Variants in FCRL5 observed in about 807,000 individuals in gnomAD.
The protein encoded by FCRL5 is Fc receptor like 5.
Under a neutral mutation model 92.1 loss-of-function variants are expected in FCRL5, and 79 were observed. That is an observed-to-expected ratio of 0.86 (90% CI 0.72 to 1.03). The LOEUF (loss-of-function observed/expected upper bound fraction) is 1.03, where lower values mean the gene tolerates loss of function less well. Among genes scored for constraint, FCRL5 ranks in the 50% least tolerant of loss-of-function variants. The pLI, the probability that FCRL5 is intolerant of heterozygous loss-of-function variation, is 0.00. For missense variants in FCRL5, 1,160 were observed against 1,181.1 expected (o/e 0.98, Z 0.26); for synonymous variants, 466 against 469.3 (o/e 0.99, Z 0.09).
intron 15 of FCRL5, 45 bp downstream of exon 15, chr1:157,518,380 ACTGT>A (rs780167695): frequency 3.5e-5 from 52 of 1,496,102 alleles, no homozygotes; most frequent in South Asian, 7.9e-5. Flanking sequence ...ACTGAGCTAT[ACTGT>A]CTAAGTTGAG....
chr1:157,538,239 T>TC (rs35679112), intron 7 of FCRL5, among the ~76,000 whole-genome samples: 2 of 152,148 alleles, frequency 1.3e-5, no homozygotes, highest in Non-Finnish European at 2.9e-5. Flanking sequence ...ATCACACACA[T>TC]CCATGTGGGA....
At chr1:157,547,469 T>C in intron 2 of FCRL5, 1 of 607,192 alleles carries the variant, frequency 1.6e-6, no homozygotes, top group Non-Finnish European at 3.0e-6. Flanking sequence ...TAGCCTTACA[T>C]GGAAGTGGGT....
chr1:157,521,532 G>A (rs6696922), intron 10 of FCRL5: 344,385 of 417,782 alleles, frequency 0.82, 142,136 homozygotes, highest in South Asian at 0.9. Flanking sequence ...AATATATACA[G>A]AGATTCTCAT....
chr1:157,549,545 G>T lies in FCRL5; in HGVS notation c.52+15C>A, dbSNP rs750866710. ...TAACCAGAGACGCTGAAGAGCCAAA[G>T]ACAGGAGAACTCACCAAACTGTCCA... On this transcript the variant is annotated intron_variant, in intron 2 of 16. Coordinates refer to ENST00000361835, the MANE Select transcript of FCRL5 (RefSeq NM_031281.3). 1.2e-6 allele frequency: 2 copies of T among 1,611,070 alleles called. No homozygotes were observed. The highest frequency in any genetic ancestry group is 1.7e-6 in the Non-Finnish European group (2 of 1,178,674).
chr1:157,528,871 TA>T (rs1650560154), intron 8 of FCRL5, among the ~76,000 whole-genome samples: 3 of 152,182 alleles, frequency 2.0e-5, no homozygotes, highest in African/African-American at 7.2e-5. Context: ...GAATATACTT[TA>T]AAAAACTCTT....
rs1017986634 is a variant in FCRL5 at position 157,547,156 on chromosome 1, T to C, written c.94A>G (p.Thr32Ala). The change falls in exon 3 of 17, where the codon ACC (threonine) becomes GCC (alanine). Residue 32 changes from threonine (T) to alanine (A), a missense_variant. Coordinates refer to ENST00000361835, the MANE Select transcript of FCRL5 (RefSeq NM_031281.3). ...ACTCTCTCTCCTTGGAAGACTGTGG[T>C]CCATGGAGGCTGGAGGAAAATAATG... ...RPIIFLQPPW[T>A]TVFQGERVTL... is the part of the protein sequence containing the mutation. The C allele has an allele frequency of 1.2e-6, 2 of 1,613,898 alleles. No homozygotes were observed. Among genetic ancestry groups the C allele is most frequent in the African/African-American group, 1.3e-5 (1 of 74,908 alleles).
chr1:157,542,919 A>G lies in FCRL5; in HGVS notation c.1063T>C (p.Cys355Arg). ...LTTENSGNYY[C>R]TADNGLGAKP... ...GCGCCAAGGCCATTGTCAGCTGTGCAGTAGTAGTTCCCTGAATTCTCTGTA... is the reference window on the plus strand; with the variant it reads ...GCGCCAAGGCCATTGTCAGCTGTGCGGTAGTAGTTCCCTGAATTCTCTGTA... The change falls in exon 6 of 17, where the codon TGC (cysteine) becomes CGC (arginine). Residue 355 changes from cysteine to arginine, a missense_variant. Coordinates refer to ENST00000361835, the MANE Select transcript of FCRL5 (RefSeq NM_031281.3). 1 of 1,614,156 alleles carries G rather than the reference A, an allele frequency of 6.2e-7. No individual in the cohort carries two copies. Among genetic ancestry groups the G allele is most frequent in the Non-Finnish European group, 8.5e-7 (1 of 1,180,040 alleles).
rs147892496 is a variant in FCRL5 at position 157,522,318 on chromosome 1, T to C, written c.2240-1026A>G. ...AATAACAAATTACTAAAAACTAAAA[T>C]GTTGTGTTAAAAGTGGCCACAACGG... On this transcript the variant is annotated intron_variant, in intron 10 of 16. Transcript: ENST00000361835. 6.6e-4 allele frequency: 101 copies of C among 152,298 alleles called. 1 individual carries two copies. The East Asian group carries it at 0.015, about 22-fold the overall frequency. The allele number at this position is 152,298 out of a possible 1,614,324, so 9.4% of individuals were successfully genotyped here.
rs1207912975 is a variant in FCRL5, at chr1:157,514,027, C to T, written c.*1648G>A. 1 of 152,230 alleles carries T rather than the reference C, an allele frequency of 6.6e-6. No homozygotes were observed. The highest frequency in any genetic ancestry group is 2.4e-5 in the African/African-American group (1 of 41,466). The allele number at this position is 152,230 out of a possible 1,614,324, so 9.4% of individuals were successfully genotyped here. A position where few individuals can be genotyped will look rare whatever the true frequency, so the allele number is the denominator to read the frequency against. On this transcript the variant is annotated 3_prime_UTR_variant, in exon 17 of 17. Coordinates refer to ENST00000361835, the MANE Select transcript of FCRL5 (RefSeq NM_031281.3). ...GGCTGCACTGGGCTGCATACAGGCT[C>T]CTGTCTCAGGTGTCTGGTTTCCTCC...
rs1571109217 is a variant in FCRL5, at chr1:157,544,735, G to A, written c.559+96C>T. On this transcript the variant is annotated intron_variant, in intron 4 of 16. Coordinates refer to ENST00000361835, the MANE Select transcript of FCRL5 (RefSeq NM_031281.3). ...GCAGGAATGTGTCCTGTGGTTTAGT[G>A]GTATTCCAGTCCACCCTTTTCCTCC... is the stretch of plus-strand genomic sequence containing the variant. 10 of 1,515,826 alleles carry A rather than the reference G, an allele frequency of 6.6e-6. No homozygotes were observed. The East Asian group carries it at 1.6e-4, about 24-fold the overall frequency. The allele number at this position is 1,515,826 out of a possible 1,614,324, so 93.9% of individuals were successfully genotyped here. A position where few individuals can be genotyped will look rare whatever the true frequency, so the allele number is the denominator to read the frequency against.
intron 7 of FCRL5, 112 bp from the exon 8 acceptor site, chr1:157,535,004 A>G: frequency 3.0e-6 from 3 of 1,006,934 alleles, no homozygotes; most frequent in Non-Finnish European, 4.2e-6. Flanking sequence ...GACTTCACCT[A>G]CCTGGAGGGC....
chr1:157,545,124 T>G, intron 3 of FCRL5, 42 bp from the exon 4 acceptor site: 1 of 1,565,020 alleles, frequency 6.4e-7, no homozygotes, highest in South Asian at 1.2e-5. Flanking sequence ...ATCCTACTGT[T>G]TCCCCTTTCT....
Position 157,520,470 on chromosome 1 carries a change from C to A in FCRL5, c.2593G>T (p.Gly865Trp). 6.4e-7 allele frequency: 1 copy of A among 1,574,096 alleles called. No individual in the cohort carries two copies. The highest frequency in any genetic ancestry group is 2.4e-5 in the East Asian group (1 of 42,490). ...AGCCAGCAGTAGAGCAGCAGTGCCC[C>A]CGCAGCAAGGCCTGCTATGCTGAGC... ...GLLSIAGLAAGALLLYCWLSR... is the reference protein window; with the variant it reads ...GLLSIAGLAAWALLLYCWLSR... Residue 865 changes from glycine to tryptophan, a missense_variant, in exon 12 of 17, where the codon GGG becomes TGG. Transcript: ENST00000361835.
In FCRL5 at chr1:157,547,015, C is replaced by T. The variant is rs928599037; in HGVS notation, c.235G>A (p.Glu79Lys). ...ETPDNILEVQESGEYRCQAQG... is the reference protein window; with the variant it reads ...ETPDNILEVQKSGEYRCQAQG... Reference sequence around the variant, plus strand: ...GCCTGGCATCTGTACTCTCCAGATTCCTGAACCTCAAGGATATTGTCTGGG... The same window carrying T: ...GCCTGGCATCTGTACTCTCCAGATTTCTGAACCTCAAGGATATTGTCTGGG... The change falls in exon 3 of 17, where the codon GAA becomes AAA. Residue 79 changes from glutamate to lysine, a missense_variant. Physicochemically the swap from Glu to Lys is moderately conservative, Grantham distance 56. Coordinates refer to ENST00000361835, the MANE Select transcript of FCRL5 (RefSeq NM_031281.3). 3.1e-6 allele frequency: 5 copies of T among 1,614,046 alleles called. No individual in the cohort carries two copies. The highest frequency in any genetic ancestry group is 4.2e-6 in the Non-Finnish European group (5 of 1,180,040).
intron 10 of FCRL5, chr1:157,521,509 C>A: frequency 4.1e-6 from 2 of 489,560 alleles, no homozygotes; most frequent in Non-Finnish European, 7.0e-6. Flanking sequence ...CTGAAAACTT[C>A]AAATAGACAA....
intron 1 of FCRL5, among the ~76,000 whole-genome samples, chr1:157,551,586 T>G (rs1651812429): frequency 1.3e-5 from 2 of 152,218 alleles, no homozygotes. Context: ...ATGTCATGAC[T>G]TTCCAGAACA....
intron 7 of FCRL5, among the ~76,000 whole-genome samples, chr1:157,535,685 T>A (rs1262995678): frequency 6.6e-6 from 1 of 152,198 alleles, no homozygotes; most frequent in Admixed American, 6.5e-5. Context: ...TGCCTTTAAG[T>A]TCTGGTGTGT....
At chr1:157,549,842 A>G (rs1431337021) in intron 1 of FCRL5, among the ~76,000 whole-genome samples, 1 of 152,170 alleles carries the variant, frequency 6.6e-6, no homozygotes, top group African/African-American at 2.4e-5. Flanking sequence ...GGAAAAACAG[A>G]AACACGATTT....
At chr1:157,547,708 G>A (rs899481066) in intron 2 of FCRL5, among the ~76,000 whole-genome samples, 1 of 152,186 alleles carries the variant, frequency 6.6e-6, no homozygotes, top group African/African-American at 2.4e-5. Flanking sequence ...AATTGTGGCA[G>A]AGCAAGGAAG....
Sources: gnomAD v4.1 joint callset for allele counts (sites outside exome capture counted in the v4.1 genomes callset) on GRCh38, gnomAD v4.1.1 for gene constraint, MANE v1.5 for transcripts, NCBI Gene and HGNC (gene_info 2026-07-23, HGNC 2026-07-21) for gene names.